RECK: variants seen among roughly 807,000 people sequenced by gnomAD.
RECK encodes the protein reversion inducing cysteine rich protein with kazal motifs, also known as reversion-inducing cysteine-rich protein with Kazal motifs.
In RECK, 69 loss-of-function variants were observed where a neutral mutation model predicts 115.1. The observed-to-expected ratio is 0.60, with a 90% CI of 0.49 to 0.73. RECK has a LOEUF of 0.73. Ranked by LOEUF, RECK falls within the 30% of genes least tolerant of loss-of-function variation. The pLI, the probability that RECK is intolerant of heterozygous loss-of-function variation, is 0.00. For missense variants in RECK, 1,047 were observed against 1,203.7 expected (o/e 0.87, Z 1.93); for synonymous variants, 414 against 419.7 (o/e 0.99, Z 0.17).
At chr9:36,092,633 C>G (rs1823205299) in intron 10 of RECK, among the ~76,000 whole-genome samples, 1 of 147,994 alleles carries the variant, frequency 6.8e-6, no homozygotes, top group South Asian at 2.1e-4. Context: ...CTCAAGTGAT[C>G]TGCCTGCCTC....
Position 36,117,172 on chromosome 9 carries a change from T to C in RECK, c.2248T>C (p.Cys750Arg), listed in dbSNP as rs140337764. The change falls in exon 17 of 21, where the codon TGC (cysteine) becomes CGC (arginine). Residue 750 changes from cysteine to arginine, a missense_variant. Coordinates refer to ENST00000377966, the MANE Select transcript of RECK (RefSeq NM_021111.3). ...AAAAAGCCTCTCTTACAAAGGTCCC[T>C]GCCAGGTACAGTGCTTTGGCTGACA... ...RGKSLSYKGP[C>R]QPFCRATEPV... 1.1e-4 allele frequency: 179 copies of C among 1,608,734 alleles called. No homozygotes were observed. Among genetic ancestry groups the C allele is most frequent in the Non-Finnish European group, 1.4e-4 (166 of 1,176,968 alleles).
intron 14 of RECK, among the ~76,000 whole-genome samples, chr9:36,109,594 A>G (rs1368307021): frequency 2.0e-5 from 3 of 152,240 alleles, no homozygotes; most frequent in African/African-American, 7.2e-5. Context: ...TTGTTATCCC[A>G]GAACTTTGGT....
chr9:36,083,701 G>A lies in RECK; in HGVS notation c.637+139G>A, dbSNP rs187704103. On this transcript the variant is annotated intron_variant, in intron 8 of 20. Coordinates refer to ENST00000377966, the MANE Select transcript of RECK (RefSeq NM_021111.3). ...CTTCCTTTGGTATTTAGATTTGGCAGATTGAATAATATTGTCACAGCCAAA... is the reference window on the plus strand; with the variant it reads ...CTTCCTTTGGTATTTAGATTTGGCAAATTGAATAATATTGTCACAGCCAAA... 1.2e-4 allele frequency: 114 copies of A among 952,212 alleles called. No individual in the cohort carries two copies. The East Asian group carries it at 2.5e-3, about 21-fold the overall frequency. 59.0% of individuals were successfully genotyped at this position (952,212 alleles called of 1,614,324 possible).
chr9:36,122,907 C>G lies in RECK; in HGVS notation c.2778C>G (p.Leu926=). ...CGACTTTGGCGTCCCATGTCCCTCT[C>G]TCTGCCCTCATCATTTCCCAGGTAC... ...DSPTLASHVP[L]SALIISQVQV... The change falls in exon 21 of 21, where the codon CTC becomes CTG. Residue 926 remains leucine, a synonymous_variant. Transcript: ENST00000377966. The G allele has an allele frequency of 1.2e-6, 2 of 1,614,230 alleles. No individual in the cohort carries two copies. The highest frequency in any genetic ancestry group is 1.7e-6 in the Non-Finnish European group (2 of 1,180,052).
At chr9:36,097,682 A>G (rs555197442) in intron 10 of RECK, among the ~76,000 whole-genome samples, 3 of 152,350 alleles carry the variant, frequency 2.0e-5, no homozygotes, top group African/African-American at 7.2e-5. Flanking sequence ...TACTAGGTAC[A>G]TATCTAAAGG....
rs1332873844 is a variant in RECK at position 36,108,741 on chromosome 9, A to G, written c.1765+577A>G. On this transcript the variant is annotated intron_variant, in intron 14 of 20. Coordinates refer to ENST00000377966, the MANE Select transcript of RECK (RefSeq NM_021111.3). ...ACTACACTGTTAGGAGTTTGGAAAA[A>G]AAGTACATTAAAAAGTACTTTGACC... Among the ~76,000 whole-genome samples, 6 of 152,146 alleles carry G rather than the reference A, an allele frequency of 3.9e-5. No homozygotes were observed. The East Asian group carries it at 1.2e-3, about 29-fold the overall frequency.
rs1208633767 is a variant in RECK at position 36,091,350 on chromosome 9, C to T, written c.1085+7C>T. 1 of 1,460,472 alleles carries T rather than the reference C, an allele frequency of 6.8e-7. No individual in the cohort carries two copies. Among genetic ancestry groups the T allele is most frequent in the Non-Finnish European group, 9.1e-7 (1 of 1,099,518 alleles). The allele number at this position is 1,460,472 out of a possible 1,614,324, so 90.5% of individuals were successfully genotyped here. A position where few individuals can be genotyped will look rare whatever the true frequency, so the allele number is the denominator to read the frequency against. On this transcript the variant is annotated splice_region_variant and intron_variant, in intron 10 of 20. Coordinates refer to ENST00000377966, the MANE Select transcript of RECK (RefSeq NM_021111.3). ...GTACTAATTTTAACAACAGGTAAGACAAATTATTATACATGGAATGGAAAT... is the reference window on the plus strand; with the variant it reads ...GTACTAATTTTAACAACAGGTAAGATAAATTATTATACATGGAATGGAAAT...
intron 2 of RECK, among the ~76,000 whole-genome samples, chr9:36,058,186 A>G (rs987195037): frequency 6.6e-6 from 1 of 152,082 alleles, no homozygotes; most frequent in Non-Finnish European, 1.5e-5. Flanking sequence ...TCATGCTGCT[A>G]TAAAGATACA....
At chr9:36,107,881 A>G in intron 13 of RECK, 95 bp from the exon 14 acceptor site, 1 of 818,428 alleles carries the variant, frequency 1.2e-6, no homozygotes, top group South Asian at 1.9e-5. Flanking sequence ...ATAGTGATTT[A>G]GTACCTATAA....
intron 1 of RECK, among the ~76,000 whole-genome samples, chr9:36,046,424 T>G (rs993931024): frequency 6.6e-6 from 1 of 152,222 alleles, no homozygotes; most frequent in Non-Finnish European, 1.5e-5. Flanking sequence ...TTGAAAAATA[T>G]GCAACGTTAA....
At chr9:36,116,163 T>C (rs967383917) in intron 16 of RECK, among the ~76,000 whole-genome samples, 6 of 150,150 alleles carry the variant, frequency 4.0e-5, no homozygotes, top group African/African-American at 1.5e-4. Context: ...AGTTTTGCTC[T>C]TGTTGCCCAG....
chr9:36,065,303 C>G (rs989665829), intron 5 of RECK, among the ~76,000 whole-genome samples: 5 of 116,432 alleles, frequency 4.3e-5, no homozygotes, highest in African/African-American at 1.5e-4. Flanking sequence ...TCTGAAATAA[C>G]AAAAGGACTG....
chr9:36,122,263 T>A (rs1224565699), intron 20 of RECK, among the ~76,000 whole-genome samples: 1 of 152,202 alleles, frequency 6.6e-6, no homozygotes, highest in Non-Finnish European at 1.5e-5. Flanking sequence ...AGTCTGTGAA[T>A]CACTAGGAAG....
chr9:36,100,626 T>C lies in RECK; in HGVS notation c.1298+83T>C, dbSNP rs1823528931. ...TAGCCAGAGCCTCTCCATAGAATTT[T>C]CTCTCTTACCACTTCCTTTGCCTAT... On this transcript the variant is annotated intron_variant, in intron 11 of 20. Transcript: ENST00000377966. 2.9e-6 allele frequency: 3 copies of C among 1,048,424 alleles called. No individual in the cohort carries two copies. The African/African-American group carries it at 4.8e-5, about 17-fold the overall frequency. The allele number at this position is 1,048,424 out of a possible 1,614,324, so 64.9% of individuals were successfully genotyped here.
At chr9:36,038,232 G>A (rs922366581) in intron 1 of RECK, among the ~76,000 whole-genome samples, 8 of 151,996 alleles carry the variant, frequency 5.3e-5, no homozygotes, top group African/African-American at 1.4e-4. Context: ...AGGATTGCTC[G>A]AGCCCCGGGA....
intron 4 of RECK, among the ~76,000 whole-genome samples, chr9:36,063,357 C>T (rs1204653637): frequency 6.6e-6 from 1 of 152,154 alleles, no homozygotes; most frequent in Non-Finnish European, 1.5e-5. Flanking sequence ...TTATGCTATT[C>T]TAGGTATTTA....
At chr9:36,061,533 T>C (rs1821767421) in intron 4 of RECK, among the ~76,000 whole-genome samples, 1 of 152,116 alleles carries the variant, frequency 6.6e-6, no homozygotes, top group Non-Finnish European at 1.5e-5. Context: ...CAGAGTGCCT[T>C]GTACATAGTA....
chr9:36,091,235 G>A lies in RECK; in HGVS notation c.977G>A (p.Cys326Tyr). The change falls in exon 10 of 21, where the codon TGT (cysteine) becomes TAT (tyrosine). Residue 326 changes from cysteine (C) to tyrosine (Y), a missense_variant. Transcript: ENST00000377966. ...TQSWQEFDRF[C>Y]EYNPVEVSML... The stretch of plus-strand genomic sequence containing the variant: ...AGTTGGCAAGAGTTTGATCGCTTTT[G>A]TGAATATAATCCAGTGGAAGTGTCC... 6.2e-7 allele frequency: 1 copy of A among 1,614,000 alleles called. No individual in the cohort carries two copies. Among genetic ancestry groups the A allele is most frequent in the Non-Finnish European group, 8.5e-7 (1 of 1,179,944 alleles).
chr9:36,058,755 GATA>G (rs1414357822), intron 2 of RECK, 69 bp from the exon 3 acceptor site: 4 of 897,052 alleles, frequency 4.5e-6, no homozygotes, highest in East Asian at 3.1e-5. Flanking sequence ...AAATCTAGAG[GATA>G]ATAAGTTTTA....
Sources: gnomAD v4.1 joint callset for allele counts (sites outside exome capture counted in the v4.1 genomes callset) on GRCh38, gnomAD v4.1.1 for gene constraint, MANE v1.5 for transcripts, NCBI Gene and HGNC (gene_info 2026-07-23, HGNC 2026-07-21) for gene names.